Variants in FOXP1 observed in about 807,000 individuals in gnomAD.
FOXP1 encodes forkhead box P1.
A neutral mutation model predicts 98.2 loss-of-function variants in FOXP1; 15 were observed. That is an observed-to-expected ratio of 0.15 (90% CI 0.10 to 0.24). The LOEUF (loss-of-function observed/expected upper bound fraction) is 0.24. Among genes scored for constraint, FOXP1 ranks in the 10% least tolerant of loss-of-function variants. The pLI is 1.00. For missense variants in FOXP1, 633 were observed against 848.5 expected, an observed-to-expected ratio of 0.75 and a Z score of 3.15; for synonymous variants, 371 against 314.5, an observed-to-expected ratio of 1.18 and a Z score of -1.90.
At chr3:70,972,198 G>A (rs1237076029) in intron 18 of FOXP1, 5 of 1,510,786 alleles carry the variant, frequency 3.3e-6, no homozygotes, top group Non-Finnish European at 4.4e-6. Flanking sequence ...AGGAGCAGCA[G>A]CAAAGGAGAT....
chr3:71,278,760 C>T (rs151182768), intron 5 of FOXP1, among the ~76,000 whole-genome samples: 7 of 151,802 alleles, frequency 4.6e-5, no homozygotes, highest in Admixed American at 1.3e-4. Context: ...CCAGCCTGGG[C>T]GACAGAGCGA....
Position 71,229,823 on chromosome 3 carries a change from C to T in FOXP1, c.-11-31431G>A, listed in dbSNP as rs72953353. On this transcript the variant is annotated intron_variant, in intron 5 of 20. Transcript: ENST00000649528. The stretch of plus-strand genomic sequence containing the variant: ...AAGGTACCCACTGTCTAGTAAACAA[C>T]AACAACAACAAGAGCTAATCTGCAC... Among the ~76,000 whole-genome samples, 1,171 of 152,274 alleles carry T rather than the reference C, an allele frequency of 7.7e-3. 21 individuals carry two copies. Among genetic ancestry groups the T allele is most frequent in the African/African-American group, 0.026 (1,087 of 41,548 alleles).
At chr3:71,190,531 A>G (rs1016207399) in intron 6 of FOXP1, among the ~76,000 whole-genome samples, 2 of 150,902 alleles carry the variant, frequency 1.3e-5, no homozygotes, top group African/African-American at 4.9e-5. Flanking sequence ...TGGTGGGAGA[A>G]TCGCTTGAGC....
intron 3 of FOXP1, among the ~76,000 whole-genome samples, chr3:71,459,931 C>CGTTTTTTTTTTTTTTTTTTT (rs1334419290): frequency 7.3e-6 from 1 of 137,028 alleles, no homozygotes; most frequent in Non-Finnish European, 1.6e-5. Context: ...GCCCCATCTT[C>CGTTTTTTTTTTTTTTTTTTT]TTTTTTTTTT....
chr3:71,497,282 T>G (rs1404655168), intron 2 of FOXP1, among the ~76,000 whole-genome samples: 1 of 152,082 alleles, frequency 6.6e-6, no homozygotes, highest in East Asian at 1.9e-4. Context: ...AAACAGAAGT[T>G]TATCACCTCT....
At chr3:71,339,207 C>G (rs1180468124) in intron 4 of FOXP1, among the ~76,000 whole-genome samples, 6 of 152,230 alleles carry the variant, frequency 3.9e-5, no homozygotes, top group Non-Finnish European at 8.8e-5. Context: ...TGATGCCGCA[C>G]ACGGCTAAAT....
chr3:71,065,873 G>C (rs2052422772), intron 7 of FOXP1: 1 of 151,884 alleles, frequency 6.6e-6, no homozygotes, highest in African/African-American at 2.4e-5. Flanking sequence ...AAACTTTGTT[G>C]GCTCAACTGA....
intron 4 of FOXP1, among the ~76,000 whole-genome samples, chr3:71,357,953 G>GA (rs979050857): frequency 3.4e-4 from 50 of 148,142 alleles, no homozygotes; most frequent in South Asian, 4.3e-4. Flanking sequence ...TTCTCTGAGG[G>GA]AAAAAAAAAA....
intron 3 of FOXP1, among the ~76,000 whole-genome samples, chr3:71,431,767 C>T (rs919396362): frequency 1.3e-5 from 2 of 152,184 alleles, no homozygotes; most frequent in African/African-American, 4.8e-5. Context: ...TCCAAGTCAC[C>T]CGATGACCTT....
rs2037954308 is a variant in FOXP1, at chr3:70,978,022, A to T, written c.1154T>A (p.Leu385Gln). Residue 385 changes from leucine (L) to glutamine (Q), a missense_variant, in exon 15 of 21, where the codon CTG becomes CAG. Physicochemically the swap from Leu to Gln is moderately radical, Grantham distance 113. This residue lies in a region of FOXP1 where 141 missense variants were observed against 199.5 expected (regional missense o/e 0.71). Coordinates refer to ENST00000649528, the MANE Select transcript of FOXP1 (RefSeq NM_001349338.3). ...CTTGGAGAGAGTGACACTTGATACC[A>T]GATTCAACTGCAAGGAAAAAAACAA... is the stretch of plus-strand genomic sequence containing the variant. ...EPKAAPQPLN[L>Q]VSSVTLSKSA... 6.2e-7 allele frequency: 1 copy of T among 1,613,972 alleles called. No individual in the cohort carries two copies. The highest frequency in any genetic ancestry group is 8.5e-7 in the Non-Finnish European group (1 of 1,179,886).
intron 6 of FOXP1, among the ~76,000 whole-genome samples, chr3:71,183,327 C>A (rs1033772752): frequency 2.6e-5 from 4 of 151,998 alleles, no homozygotes; most frequent in Non-Finnish European, 5.9e-5. Context: ...AAACCTGTCT[C>A]TACTAAAAAT....
intron 12 of FOXP1, among the ~76,000 whole-genome samples, chr3:71,008,725 T>C (rs2043123310): frequency 6.6e-6 from 1 of 152,138 alleles, no homozygotes; most frequent in Admixed American, 6.5e-5. Context: ...TGGTTATTTG[T>C]ACAGTATTTA....
In FOXP1 at chr3:71,299,296, C is replaced by T. The variant is rs750445540; in HGVS notation, c.-12+524G>A. Among the ~76,000 whole-genome samples the T allele has an allele frequency of 6.5e-4, 99 of 152,304 alleles. 1 individual carries two copies. The highest frequency in any genetic ancestry group is 2.3e-3 in the African/African-American group (94 of 41,574). On this transcript the variant is annotated intron_variant, in intron 5 of 20. Coordinates refer to ENST00000649528, the MANE Select transcript of FOXP1 (RefSeq NM_001349338.3). The stretch of plus-strand genomic sequence containing the variant: ...AGGTCAAGAGAACAAGGCAGCCTAG[C>T]GCTGACATTACAGGGATATGCCCCA...
chr3:71,583,961 G>T, upstream of FOXP1: 1 of 980,598 alleles, frequency 1.0e-6, no homozygotes, highest in Non-Finnish European at 1.2e-6. Context: ...CCTCTTTGCC[G>T]TTCGCCGGGG....
intron 7 of FOXP1, among the ~76,000 whole-genome samples, chr3:71,099,241 T>C (rs1412500220): frequency 6.6e-6 from 1 of 152,222 alleles, no homozygotes; most frequent in Non-Finnish European, 1.5e-5. Flanking sequence ...TTGCACACAG[T>C]GGCTCACGCC....
intron 11 of FOXP1, among the ~76,000 whole-genome samples, chr3:71,020,889 T>C (rs1367519801): frequency 6.6e-6 from 1 of 152,178 alleles, no homozygotes; most frequent in Non-Finnish European, 1.5e-5. Flanking sequence ...CCCATTACGG[T>C]TTATGCCTCC....
chr3:71,106,470 G>C (rs1361481018), intron 7 of FOXP1, among the ~76,000 whole-genome samples: 1 of 152,006 alleles, frequency 6.6e-6, no homozygotes, highest in Admixed American at 6.6e-5. Context: ...CGAGTAGCTG[G>C]GACTACAGGT....
chr3:71,309,198 C>G (rs940517385), intron 4 of FOXP1, among the ~76,000 whole-genome samples: 2 of 152,144 alleles, frequency 1.3e-5, no homozygotes, highest in Non-Finnish European at 2.9e-5. Flanking sequence ...CTATCCATCT[C>G]GATCCATCCA....
At chr3:71,242,828 C>T (rs1204775965) in intron 5 of FOXP1, among the ~76,000 whole-genome samples, 1 of 149,698 alleles carries the variant, frequency 6.7e-6, no homozygotes, top group Non-Finnish European at 1.5e-5. Context: ...TTATTAAAAT[C>T]GTATTATCTA....
Sources: allele counts gnomAD v4.1 joint callset (sites outside exome capture counted in the v4.1 genomes callset), GRCh38; gene constraint gnomAD v4.1.1; regional missense constraint gnomAD v4.1.1; transcripts MANE v1.5; gene names NCBI Gene and HGNC (gene_info 2026-07-23, HGNC 2026-07-21).